Variants in CLIC5 observed in about 807,000 individuals in gnomAD.
CLIC5 encodes the protein chloride intracellular channel protein 5.
A neutral mutation model predicts 24.7 loss-of-function variants in CLIC5; 20 were observed. That is an observed-to-expected ratio of 0.81 (90% CI 0.57 to 1.18). The LOEUF is 1.18. Among genes scored for constraint, CLIC5 ranks in the 50% most tolerant of loss-of-function variants. CLIC5 has a pLI of 0.00. For synonymous variants in CLIC5, 159 were observed against 135.6 expected, an observed-to-expected ratio of 1.17 and a Z score of -1.20; for missense variants, 341 against 326.1, an observed-to-expected ratio of 1.05 and a Z score of -0.35.
chr6:46,048,754 T>A (rs1465572935), intron 1 of CLIC5, among the ~76,000 whole-genome samples: 2 of 152,068 alleles, frequency 1.3e-5, no homozygotes, highest in Non-Finnish European at 2.9e-5. Flanking sequence ...AGTGAGAAGT[T>A]GGCAATGCCA....
intron 1 of CLIC5, among the ~76,000 whole-genome samples, chr6:45,967,077 G>A (rs975974364): frequency 1.3e-5 from 2 of 152,220 alleles, no homozygotes; most frequent in African/African-American, 4.8e-5. Context: ...CCTCTAGTCA[G>A]CCATGGTGAA....
At chr6:45,883,172 G>A (rs546178690) in intron 6 of CLIC5, among the ~76,000 whole-genome samples, 2 of 152,298 alleles carry the variant, frequency 1.3e-5, no homozygotes, top group South Asian at 2.1e-4. Context: ...CCACAGGAAC[G>A]AGTTCCACAG....
At position 45,884,430 on chromosome 6, in the gene CLIC5, T is replaced by C. The variant is rs528237488; in HGVS notation, c.624-3242A>G. Among the ~76,000 whole-genome samples, 106 of 152,242 alleles carry C rather than the reference T, an allele frequency of 7.0e-4. 1 individual carries two copies. Among genetic ancestry groups the C allele is most frequent in the African/African-American group, 2.5e-3 (103 of 41,536 alleles). On this transcript the variant is annotated intron_variant, in intron 6 of 6. Transcript: ENST00000644324. ...AAAGTACTGCATGCTGACACCAGCA[T>C]CCCTAGCAGGACTTGGAAGAAGGGG... is the stretch of plus-strand genomic sequence containing the variant.
At chr6:46,123,756 T>C in the CLIC5 span, among the ~76,000 whole-genome samples, 6 of 152,150 alleles carry the variant, frequency 3.9e-5, no homozygotes, top group Non-Finnish European at 1.5e-5. Flanking sequence ...AAAATCAATG[T>C]GCAAAAATCA....
chr6:45,969,728 C>T (rs982919609), intron 1 of CLIC5, among the ~76,000 whole-genome samples: 1 of 150,792 alleles, frequency 6.6e-6, no homozygotes, highest in Non-Finnish European at 1.5e-5. Context: ...AAAGAGTAAA[C>T]TGCTGAAGAC....
chr6:46,033,460 C>CATCA (rs1767569536), intron 1 of CLIC5, among the ~76,000 whole-genome samples: 1 of 152,170 alleles, frequency 6.6e-6, no homozygotes, highest in Admixed American at 6.5e-5. Context: ...ATCCAGAATT[C>CATCA]ATCAAATCTA....
At chr6:45,947,749 C>T (rs546339815) in intron 3 of CLIC5, among the ~76,000 whole-genome samples, 1 of 152,254 alleles carries the variant, frequency 6.6e-6, no homozygotes, top group South Asian at 2.1e-4. Flanking sequence ...GGGATGGAGT[C>T]TGGGCTCCCT....
At chr6:46,047,549 C>T (rs1266534558) in intron 1 of CLIC5, among the ~76,000 whole-genome samples, 1 of 152,166 alleles carries the variant, frequency 6.6e-6, no homozygotes, top group Non-Finnish European at 1.5e-5. Context: ...CTAGTCAAAA[C>T]AGAAATTCTC....
At chr6:45,976,499 G>T (rs780729316) in intron 1 of CLIC5, among the ~76,000 whole-genome samples, 1 of 152,144 alleles carries the variant, frequency 6.6e-6, no homozygotes, top group Non-Finnish European at 1.5e-5. Context: ...TTTCAGAAAA[G>T]AATTTGAAGG....
chr6:45,966,896 T>C (rs1341774218), intron 1 of CLIC5, among the ~76,000 whole-genome samples: 2 of 152,226 alleles, frequency 1.3e-5, no homozygotes, highest in Non-Finnish European at 2.9e-5. Context: ...CTGATATTTT[T>C]ATGGTTGCAT....
chr6:45,957,252 G>A (rs1764675792), intron 1 of CLIC5, among the ~76,000 whole-genome samples: 1 of 152,134 alleles, frequency 6.6e-6, no homozygotes, highest in African/African-American at 2.4e-5. Context: ...TAATAATAAT[G>A]TTAATAATAA....
chr6:46,039,545 TA>T (rs1297848592), intron 1 of CLIC5, among the ~76,000 whole-genome samples: 1 of 151,654 alleles, frequency 6.6e-6, no homozygotes, highest in Non-Finnish European at 1.5e-5. Flanking sequence ...AAAATAAACA[TA>T]AAAAGAAAAC....
At chr6:45,930,500 C>A (rs1373792594) in intron 4 of CLIC5, among the ~76,000 whole-genome samples, 1 of 152,256 alleles carries the variant, frequency 6.6e-6, no homozygotes, top group East Asian at 1.9e-4. Flanking sequence ...TTGTTTGAAC[C>A]GTCTAAGCTT....
intron 5 of CLIC5, among the ~76,000 whole-genome samples, chr6:45,910,828 G>T (rs1423712625): frequency 6.6e-6 from 1 of 152,224 alleles, no homozygotes; most frequent in African/African-American, 2.4e-5. Flanking sequence ...ACTGGAGAGA[G>T]CCAGCAAGGT....
chr6:45,903,749 C>A (rs1047493199), intron 5 of CLIC5, among the ~76,000 whole-genome samples: 1 of 152,108 alleles, frequency 6.6e-6, no homozygotes, highest in African/African-American at 2.4e-5. Context: ...TTTGGAGAAA[C>A]ATGTATGATG....
the CLIC5 span, among the ~76,000 whole-genome samples, chr6:46,114,636 T>G: frequency 6.6e-6 from 1 of 152,160 alleles, no homozygotes; most frequent in East Asian, 1.9e-4. Flanking sequence ...CTCCCTTTTT[T>G]CAAGGGGTCC....
the CLIC5 span, among the ~76,000 whole-genome samples, chr6:46,094,752 T>C: frequency 6.6e-6 from 1 of 152,164 alleles, no homozygotes; most frequent in Non-Finnish European, 1.5e-5. Context: ...TGCAAGCTGT[T>C]TGTGGCTCTA....
At chr6:46,047,137 A>C (rs1191655167) in intron 1 of CLIC5, among the ~76,000 whole-genome samples, 1 of 152,222 alleles carries the variant, frequency 6.6e-6, no homozygotes, top group Non-Finnish European at 1.5e-5. Context: ...TCCCTCTGTT[A>C]TACTTCCACT....
rs201659179 is a variant in CLIC5 at position 45,979,025 on chromosome 6, G to GA, written c.64-23782dup. 6.4e-3 allele frequency among the ~76,000 whole-genome samples: 960 copies of GA among 151,176 alleles called. 10 individuals are homozygous for GA. The highest frequency in any genetic ancestry group is 0.021 in the African/African-American group (883 of 41,192). On this transcript the variant is annotated intron_variant, in intron 1 of 5. Transcript: ENST00000339561. ...CAAAGGAGCTCAACAGCCAGAGTTTGAAAAAAAATGCACAACAGGGTGGGA... is the reference window on the plus strand; with the variant it reads ...CAAAGGAGCTCAACAGCCAGAGTTTGAAAAAAAAATGCACAACAGGGTGGGA...
Sources: allele counts gnomAD v4.1 joint callset (sites outside exome capture counted in the v4.1 genomes callset), GRCh38; gene constraint gnomAD v4.1.1; transcripts MANE v1.5; gene names NCBI Gene and HGNC (gene_info 2026-07-23, HGNC 2026-07-21).